CLMP: variants seen among roughly 807,000 people sequenced by gnomAD.
CLMP encodes CXADR like cell adhesion molecule, also known as CXADR-like membrane protein.
CLMP carries 27 observed loss-of-function variants against 45.2 expected under a neutral mutation model. The observed-to-expected ratio is 0.60, with a 90% CI of 0.44 to 0.82. The LOEUF (loss-of-function observed/expected upper bound fraction) is 0.82. Among genes scored for constraint, CLMP ranks in the 40% least tolerant of loss-of-function variants. The pLI is 0.00. For missense variants in CLMP, 403 were observed against 448.4 expected (o/e 0.90, Z 0.91); for synonymous variants, 167 against 171.4 (o/e 0.97, Z 0.20).
intron 2 of CLMP, among the ~76,000 whole-genome samples, chr11:123,097,454 C>T (rs933520809): frequency 6.6e-6 from 1 of 152,128 alleles, no homozygotes; most frequent in Non-Finnish European, 1.5e-5. Flanking sequence ...TCTCCTGCCT[C>T]AGCCTCCCAA....
intron 1 of CLMP, among the ~76,000 whole-genome samples, chr11:123,157,141 C>T (rs1339268155): frequency 2.6e-5 from 4 of 152,134 alleles, no homozygotes; most frequent in Non-Finnish European, 4.4e-5. Flanking sequence ...GTGGAATATT[C>T]TGAGTAGTTT....
At chr11:123,175,499 GGACACAGA>G (rs2135544152) in intron 1 of CLMP, among the ~76,000 whole-genome samples, 1 of 152,236 alleles carries the variant, frequency 6.6e-6, no homozygotes, top group East Asian at 1.9e-4. Context: ...ATTTGAGTGA[GGACACAGA>G]GCCAAAGAAT....
intron 1 of CLMP, among the ~76,000 whole-genome samples, chr11:123,175,598 C>T (rs904421554): frequency 1.3e-5 from 2 of 152,236 alleles, no homozygotes; most frequent in African/African-American, 4.8e-5. Flanking sequence ...GTTGGGACTA[C>T]AGGTGTGAGT....
chr11:123,141,960 T>C (rs974098821), intron 1 of CLMP, among the ~76,000 whole-genome samples: 3 of 150,716 alleles, frequency 2.0e-5, no homozygotes, highest in Admixed American at 6.7e-5. Flanking sequence ...GAGAATTAAA[T>C]TGAGCTAACC....
chr11:123,174,242 C>T (rs1399087319), intron 1 of CLMP, among the ~76,000 whole-genome samples: 1 of 152,204 alleles, frequency 6.6e-6, no homozygotes, highest in Admixed American at 6.5e-5. Flanking sequence ...TTCTACTGCA[C>T]TGTGCTACCT....
intron 5 of CLMP, among the ~76,000 whole-genome samples, chr11:123,082,118 C>A (rs1379017951): frequency 6.6e-6 from 1 of 152,182 alleles, no homozygotes; most frequent in Non-Finnish European, 1.5e-5. Context: ...CACATACACA[C>A]TCACAAACAC....
chr11:123,151,609 A>G (rs1003465370), intron 1 of CLMP, among the ~76,000 whole-genome samples: 1 of 152,256 alleles, frequency 6.6e-6, no homozygotes, highest in African/African-American at 2.4e-5. Flanking sequence ...ATATATGAAT[A>G]CATGATTACA....
chr11:123,098,057 A>T lies in CLMP; in HGVS notation c.29-105T>A. On this transcript the variant is annotated intron_variant, in intron 1 of 6. Coordinates refer to ENST00000448775, the MANE Select transcript of CLMP (RefSeq NM_024769.5). ...ATGGGATGTTCCCGTGGGCAAGTGC[A>T]TGTGGAGGGGTTGCAAGAGTCCTAG... The T allele has an allele frequency of 4.2e-6, 4 of 960,564 alleles. No individual in the cohort carries two copies. The South Asian group carries it at 6.6e-5, about 16-fold the overall frequency. 59.5% of individuals were successfully genotyped at this position (960,564 alleles called of 1,614,324 possible). A position where few individuals can be genotyped will look rare whatever the true frequency, so the allele number is the denominator to read the frequency against.
At chr11:123,185,490 G>A (rs1045176516) in intron 1 of CLMP, among the ~76,000 whole-genome samples, 7 of 152,172 alleles carry the variant, frequency 4.6e-5, no homozygotes, top group South Asian at 2.1e-4. Context: ...GCAGGACTCC[G>A]GGAACAGGGT....
At chr11:123,181,398 T>C (rs980231946) in intron 1 of CLMP, among the ~76,000 whole-genome samples, 1 of 152,218 alleles carries the variant, frequency 6.6e-6, no homozygotes, top group African/African-American at 2.4e-5. Flanking sequence ...CCCAATGCAA[T>C]GCCCTCAAGC....
intron 1 of CLMP, among the ~76,000 whole-genome samples, chr11:123,150,272 G>A (rs1231876060): frequency 6.6e-6 from 1 of 150,890 alleles, no homozygotes; most frequent in Admixed American, 6.7e-5. Context: ...AGACAGATAG[G>A]CTTGAGAACA....
chr11:123,104,047 T>G (rs1860496444), intron 1 of CLMP, among the ~76,000 whole-genome samples: 1 of 151,438 alleles, frequency 6.6e-6, no homozygotes, highest in Non-Finnish European at 1.5e-5. Context: ...CCAAGCTGGT[T>G]TCAAACTCCT....
rs774873645 is a variant in CLMP at position 123,074,682 on chromosome 11, T to G, written c.821+20A>C. The stretch of plus-strand genomic sequence containing the variant: ...CCCTAAAACAGAAGCCCCGTAAAAG[T>G]AGGGATGTGGGAGGTTTACCGAATT... On this transcript the variant is annotated intron_variant, in intron 6 of 6. Coordinates refer to ENST00000448775, the MANE Select transcript of CLMP (RefSeq NM_024769.5). The G allele has an allele frequency of 3.1e-6, 5 of 1,612,452 alleles. No individual in the cohort carries two copies. In the South Asian group the frequency reaches 5.5e-5, roughly 18 times the overall value.
intron 1 of CLMP, among the ~76,000 whole-genome samples, chr11:123,170,784 C>T (rs750168997): frequency 5.9e-5 from 9 of 152,096 alleles, no homozygotes; most frequent in Admixed American, 1.3e-4. Flanking sequence ...AAGATCAGCT[C>T]GTTGTCATCC....
rs1865694827 is a variant in CLMP at position 123,073,253 on chromosome 11, G to A, written c.*221C>T. The A allele has an allele frequency of 3.9e-6, 2 of 507,534 alleles. No homozygotes were observed. Among genetic ancestry groups the A allele is most frequent in the Non-Finnish European group, 6.9e-6 (2 of 291,790 alleles). The allele number at this position is 507,534 out of a possible 1,614,324, so 31.4% of individuals were successfully genotyped here. On this transcript the variant is annotated 3_prime_UTR_variant, in exon 7 of 7. Coordinates refer to ENST00000448775, the MANE Select transcript of CLMP (RefSeq NM_024769.5). ...CTGCTTTCCCTTACTCTGGTCTAAA[G>A]GCACAATAAGATGCCTTTTTACAGA... is the stretch of plus-strand genomic sequence containing the variant.
intron 2 of CLMP, among the ~76,000 whole-genome samples, chr11:123,096,305 G>T (rs1426020446): frequency 2.0e-5 from 3 of 152,130 alleles, no homozygotes; most frequent in African/African-American, 7.2e-5. Context: ...AGTGAGCTGA[G>T]ATGGCACCAC....
At chr11:123,097,498 C>G (rs921191569) in intron 2 of CLMP, among the ~76,000 whole-genome samples, 1 of 152,004 alleles carries the variant, frequency 6.6e-6, no homozygotes, top group African/African-American at 2.4e-5. Context: ...CCACCACACC[C>G]GGCTATTATT....
intron 2 of CLMP, among the ~76,000 whole-genome samples, chr11:123,091,957 C>T (rs890367526): frequency 6.6e-6 from 1 of 152,198 alleles, no homozygotes; most frequent in African/African-American, 2.4e-5. Flanking sequence ...CTCTGAATCT[C>T]GTTGTCCCCA....
At chr11:123,129,420 T>TTATATAAAATATATATCATATGA (rs1860951137) in intron 1 of CLMP, among the ~76,000 whole-genome samples, 1 of 140,228 alleles carries the variant, frequency 7.1e-6, no homozygotes, top group African/African-American at 2.7e-5. Context: ...ATATGATATA[T>TTATATAAAATATATATCATATGA]TATATAAAAT....
Sources: allele counts gnomAD v4.1 joint callset (sites outside exome capture counted in the v4.1 genomes callset), GRCh38; gene constraint gnomAD v4.1.1; transcripts MANE v1.5; gene names NCBI Gene and HGNC (gene_info 2026-07-23, HGNC 2026-07-21).